HMCN2: variants seen among roughly 807,000 people sequenced by gnomAD.
HMCN2 encodes the protein hemicentin-2.
In HMCN2, 325 loss-of-function variants were observed where a neutral mutation model predicts 377.5. The observed-to-expected ratio is 0.86, with a 90% CI of 0.79 to 0.94. HMCN2 has a LOEUF of 0.94. HMCN2 is among the 40% of genes least tolerant of loss of function. The pLI is 0.00. For synonymous variants in HMCN2, 2,007 were observed against 2,046.8 expected (o/e 0.98, Z 0.53); for missense variants, 4,543 against 4,725.3 (o/e 0.96, Z 1.13).
At position 130,349,626 on chromosome 9, in the gene HMCN2, G is replaced by A; in HGVS notation, c.4393G>A (p.Val1465Ile). Residue 1465 changes from valine (V) to isoleucine (I), a missense_variant, in exon 29 of 98, where the codon GTC becomes ATC. Coordinates refer to ENST00000683500, the MANE Select transcript of HMCN2 (RefSeq NM_001291815.2). ...DVELQCWTSG[V>I]PTPQVEWTKD... ...GGAGCTGCAGTGTTGGACCTCAGGG[G>A]TCCCCACGCCCCAGGTGGAGTGGAC... 1 of 1,304,112 alleles carries A rather than the reference G, an allele frequency of 7.7e-7. No homozygotes were observed. Among genetic ancestry groups the A allele is most frequent in the African/African-American group, 1.5e-5 (1 of 65,996 alleles). 80.8% of individuals were successfully genotyped at this position (1,304,112 alleles called of 1,614,324 possible).
In HMCN2 at chr9:130,372,336, G is replaced by C. The variant is rs1027282972; in HGVS notation, c.7280G>C (p.Ser2427Thr). Residue 2427 changes from serine (S) to threonine (T), a missense_variant, in exon 47 of 98, where the codon AGT (serine) becomes ACT (threonine). Around this residue, in one of 5 missense-constraint regions of HMCN2, gnomAD observed 1,032 missense variants for 1,285.1 expected, o/e 0.80. Coordinates refer to ENST00000683500, the MANE Select transcript of HMCN2 (RefSeq NM_001291815.2). ...LKMTQTQEQDSGLYSCLASNE... is the reference protein window; with the variant it reads ...LKMTQTQEQDTGLYSCLASNE... Reference sequence around the variant, plus strand: ...ATGACTCAGACACAGGAGCAAGACAGTGGCCTCTACTCATGCCTGGCAAGC... The same window carrying C: ...ATGACTCAGACACAGGAGCAAGACACTGGCCTCTACTCATGCCTGGCAAGC... The C allele has an allele frequency of 2.9e-5, 29 of 985,928 alleles. No homozygotes were observed. The highest frequency in any genetic ancestry group is 3.5e-5 in the Non-Finnish European group (29 of 830,104). 61.1% of individuals were successfully genotyped at this position (985,928 alleles called of 1,614,324 possible). A position where few individuals can be genotyped will look rare whatever the true frequency, so the allele number is the denominator to read the frequency against.
At chr9:130,311,682 TG>T (rs1837247660) in intron 15 of HMCN2, among the ~76,000 whole-genome samples, 1 of 152,142 alleles carries the variant, frequency 6.6e-6, no homozygotes, top group African/African-American at 2.4e-5. Flanking sequence ...GATGACGAGC[TG>T]GGGAACAGTG....
chr9:130,430,520 C>T lies in HMCN2; in HGVS notation c.14563C>T (p.Leu4855Phe). ...PGTSYHAWVS[L>F]RPGPMALSSV... Reference sequence around the variant, plus strand: ...TACCTCCTACCACGCCTGGGTCTCTCTCCGTCCGGGTCCCATGGCCCTGAG... The same window carrying T: ...TACCTCCTACCACGCCTGGGTCTCTTTCCGTCCGGGTCCCATGGCCCTGAG... The change falls in exon 95 of 98, where the codon CTC (leucine) becomes TTC (phenylalanine). Residue 4855 changes from leucine (L) to phenylalanine (F), a missense_variant. Around this residue, in one of 5 missense-constraint regions of HMCN2, gnomAD observed 1,155 missense variants for 1,157.7 expected, o/e 1.00. Transcript: ENST00000683500. 1 of 1,550,630 alleles carries T rather than the reference C, an allele frequency of 6.4e-7. No individual in the cohort carries two copies. The highest frequency in any genetic ancestry group is 8.7e-7 in the Non-Finnish European group (1 of 1,146,986).
At chr9:130,328,318 G>A (rs959018654) in intron 22 of HMCN2, among the ~76,000 whole-genome samples, 15 of 152,184 alleles carry the variant, frequency 9.9e-5, no homozygotes, top group Non-Finnish European at 1.9e-4. Context: ...TAGGGTGGGG[G>A]TGTGGCGGGG....
intron 62 of HMCN2, among the ~76,000 whole-genome samples, chr9:130,388,779 C>T (rs1325140530): frequency 6.6e-6 from 1 of 151,944 alleles, no homozygotes; most frequent in African/African-American, 2.4e-5. Context: ...TTTGCATCCA[C>T]GTCCTCAGTC....
chr9:130,274,392 A>G (rs1554922294), intron 1 of HMCN2, among the ~76,000 whole-genome samples: 1 of 152,160 alleles, frequency 6.6e-6, no homozygotes. Flanking sequence ...CATTTCTTGC[A>G]TAAGTCCTGC....
rs1323717328 is a variant in HMCN2 at position 130,407,572 on chromosome 9, AG to A, written c.12559del (p.Val4187CysfsTer42). 7.8e-7 allele frequency: 1 copy of A among 1,289,474 alleles called. No homozygotes were observed. Among genetic ancestry groups the A allele is most frequent in the East Asian group, 5.6e-5 (1 of 17,976 alleles). The allele number at this position is 1,289,474 out of a possible 1,614,324, so 79.9% of individuals were successfully genotyped here. ...CCGACTTCTCTTTCTCCACCACAGAAGGGGTGTCTGAGCAGGATGGAGGCAG... is the reference window on the plus strand; with the variant it reads ...CCGACTTCTCTTTCTCCACCACAGAAGGGTGTCTGAGCAGGATGGAGGCAG... ...WTVNDRPVTE[G>X]VSEQDGGSTL... On this transcript the variant is annotated frameshift_variant and splice_region_variant, in exon 83 of 98. Coordinates refer to ENST00000683500, the MANE Select transcript of HMCN2 (RefSeq NM_001291815.2). LOFTEE classifies it high-confidence loss of function.
intron 32 of HMCN2, 114 bp downstream of exon 32, chr9:130,355,158 C>G (rs973473756): frequency 1.2e-6 from 1 of 854,226 alleles, no homozygotes; most frequent in Admixed American, 3.5e-5. Context: ...GGAGAAGTAA[C>G]CAGTGTCCCC....
intron 1 of HMCN2, among the ~76,000 whole-genome samples, chr9:130,274,522 G>T (rs894880253): frequency 4.6e-5 from 7 of 151,986 alleles, no homozygotes; most frequent in Non-Finnish European, 8.8e-5. Flanking sequence ...TTTCCTTTGT[G>T]TTTTTTGTCA....
At position 130,299,291 on chromosome 9, in the gene HMCN2, G is replaced by A. The variant is rs559080171; in HGVS notation, c.1276+3G>A. The stretch of plus-strand genomic sequence containing the variant: ...GTCCTACAGTGGGGTGGCCCCAGGT[G>A]AGTGGTTGGCTCTTTTGTCTCCCAG... On this transcript the variant is annotated splice_donor_region_variant and intron_variant, in intron 8 of 97. Transcript: ENST00000683500. The A allele has an allele frequency of 1.0e-4, 47 of 451,234 alleles. No individual in the cohort carries two copies. The highest frequency in any genetic ancestry group is 9.1e-4 in the African/African-American group (45 of 49,646). The allele number at this position is 451,234 out of a possible 1,614,324, so 28.0% of individuals were successfully genotyped here. A position where few individuals can be genotyped will look rare whatever the true frequency, so the allele number is the denominator to read the frequency against.
intron 76 of HMCN2, 38 bp downstream of exon 76, chr9:130,399,670 G>C: frequency 7.9e-7 from 1 of 1,260,332 alleles, no homozygotes; most frequent in Non-Finnish European, 1.0e-6. Flanking sequence ...CACCTGGGGT[G>C]GGGGCAGCGC....
intron 8 of HMCN2, among the ~76,000 whole-genome samples, chr9:130,299,888 C>A (rs570485406): frequency 6.6e-6 from 1 of 151,566 alleles, no homozygotes; most frequent in East Asian, 2.0e-4. Flanking sequence ...CTCACCCATC[C>A]ATCTACCCAC....
intron 51 of HMCN2, 95 bp from the exon 52 acceptor site, chr9:130,376,421 G>GC (rs1841379266): frequency 4.9e-6 from 1 of 205,876 alleles, no homozygotes; most frequent in Non-Finnish European, 8.6e-6. Flanking sequence ...TCTTGGGCCG[G>GC]CCCCCATTTC....
At chr9:130,364,958 GC>G (rs1840614153) in intron 41 of HMCN2, 69 bp downstream of exon 41, 4 of 921,786 alleles carry the variant, frequency 4.3e-6, no homozygotes, top group Non-Finnish European at 5.2e-6. Flanking sequence ...GCCTGCAGGT[GC>G]CCCAGCTCAG....
chr9:130,412,667 C>T (rs1359221880), intron 85 of HMCN2, among the ~76,000 whole-genome samples: 4 of 151,530 alleles, frequency 2.6e-5, no homozygotes, highest in Admixed American at 6.6e-5. Context: ...ACTTCCACCT[C>T]CAAGGTTCAA....
intron 65 of HMCN2, 88 bp downstream of exon 65, chr9:130,391,662 C>T (rs1284487288): frequency 2.0e-6 from 2 of 977,826 alleles, no homozygotes; most frequent in African/African-American, 3.5e-5. Context: ...ACACTGTGTC[C>T]TGGGCCACGG....
At position 130,303,383 on chromosome 9, in the gene HMCN2, A is replaced by T; in HGVS notation, c.1422-104A>T. The T allele has an allele frequency of 3.1e-6, 1 of 321,908 alleles. No individual in the cohort carries two copies. The highest frequency in any genetic ancestry group is 2.4e-5 in the South Asian group (1 of 41,884). The allele number at this position is 321,908 out of a possible 1,614,324, so 19.9% of individuals were successfully genotyped here. Reference sequence around the variant, plus strand: ...GTCTTCTTACCGCATCTCACAGAGGAATTGGGGTCTCTCGTTTGGGCAGGA... The same window carrying T: ...GTCTTCTTACCGCATCTCACAGAGGTATTGGGGTCTCTCGTTTGGGCAGGA... On this transcript the variant is annotated intron_variant, in intron 9 of 97. Coordinates refer to ENST00000683500, the MANE Select transcript of HMCN2 (RefSeq NM_001291815.2). This position sits in a 1 kb window ranked among gnomAD's most constrained non-coding sequence, Gnocchi z 5.2.
chr9:130,349,624 G>C lies in HMCN2; in HGVS notation c.4391G>C (p.Gly1464Ala). ...ADVELQCWTSGVPTPQVEWTK... is the reference protein window; with the variant it reads ...ADVELQCWTSAVPTPQVEWTK... Reference sequence around the variant, plus strand: ...GTGGAGCTGCAGTGTTGGACCTCAGGGGTCCCCACGCCCCAGGTGGAGTGG... The same window carrying C: ...GTGGAGCTGCAGTGTTGGACCTCAGCGGTCCCCACGCCCCAGGTGGAGTGG... The change falls in exon 29 of 98, where the codon GGG becomes GCG. Residue 1464 changes from glycine (G) to alanine (A), a missense_variant. Around this residue, in one of 5 missense-constraint regions of HMCN2, gnomAD observed 1,032 missense variants for 1,285.1 expected, o/e 0.80. Transcript: ENST00000683500. 8 of 1,304,056 alleles carry C rather than the reference G, an allele frequency of 6.1e-6. No homozygotes were observed. Among genetic ancestry groups the C allele is most frequent in the Non-Finnish European group, 8.1e-6 (8 of 988,788 alleles). 80.8% of individuals were successfully genotyped at this position (1,304,056 alleles called of 1,614,324 possible). A position where few individuals can be genotyped will look rare whatever the true frequency, so the allele number is the denominator to read the frequency against.
At chr9:130,286,357 C>T (rs529837626) in intron 4 of HMCN2, 47 bp downstream of exon 4, 175 of 467,054 alleles carry the variant, frequency 3.7e-4, no homozygotes, top group Middle Eastern at 9.9e-4. Flanking sequence ...CACTCGGGCA[C>T]GGTGAGGACA....
Sources: allele counts gnomAD v4.1 joint callset (sites outside exome capture counted in the v4.1 genomes callset), GRCh38; gene constraint gnomAD v4.1.1; regional missense constraint gnomAD v4.1.1; non-coding constraint Gnocchi (gnomAD v3.1); transcripts MANE v1.5; gene names NCBI Gene and HGNC (gene_info 2026-07-23, HGNC 2026-07-21).